The following PARVA variants were observed in gnomAD, a reference collection of about 807,000 sequenced individuals.
PARVA encodes alpha-parvin.
A neutral mutation model predicts 52.6 loss-of-function variants in PARVA; 25 were observed. The observed-to-expected ratio is 0.48, with a 90% CI of 0.35 to 0.66. The LOEUF is 0.66. Ranked by LOEUF, PARVA falls within the 30% of genes least tolerant of loss-of-function variation. PARVA has a pLI of 0.01. For missense variants in PARVA, 373 were observed against 450.9 expected, an observed-to-expected ratio of 0.83 and a Z score of 1.56; for synonymous variants, 185 against 179.1, an observed-to-expected ratio of 1.03 and a Z score of -0.26.
In PARVA at chr11:12,532,912, C is replaced by CT. The variant is rs1244326439; in HGVS notation, c.*4992dup. Among the ~76,000 whole-genome samples, 1 of 152,192 alleles carries CT rather than the reference C, an allele frequency of 6.6e-6. No homozygotes were observed. Among genetic ancestry groups the CT allele is most frequent in the Non-Finnish European group, 1.5e-5 (1 of 68,038 alleles). ...CTTTGAAAAACAGGTTGCCATCTAC[C>CT]TTTTTAAATGTCCCACTGTGTAGGA... On this transcript the variant is annotated 3_prime_UTR_variant, in exon 13 of 13. Coordinates refer to ENST00000334956, the MANE Select transcript of PARVA (RefSeq NM_018222.5).
At chr11:12,438,431 T>C (rs1050941039) in intron 1 of PARVA, among the ~76,000 whole-genome samples, 6 of 151,942 alleles carry the variant, frequency 3.9e-5, no homozygotes, top group Non-Finnish European at 8.8e-5. Flanking sequence ...CCCAAACTCA[T>C]CCTTTTTATC....
chr11:12,527,715 C>T, intron 12 of PARVA, 134 bp from the exon 13 acceptor site: 3 of 729,028 alleles, frequency 4.1e-6, no homozygotes, highest in Non-Finnish European at 5.0e-6. Context: ...ATTCTCGCTG[C>T]CCACTCTACC....
At chr11:12,456,868 G>C (rs12098918) in intron 1 of PARVA, among the ~76,000 whole-genome samples, 11,434 of 152,162 alleles carry the variant, frequency 0.075, 477 homozygotes, top group Middle Eastern at 0.14. Context: ...ACACAGCACA[G>C]GGCCTGACCT....
At chr11:12,494,426 A>G (rs1182512350) in intron 4 of PARVA, among the ~76,000 whole-genome samples, 1 of 152,200 alleles carries the variant, frequency 6.6e-6, no homozygotes, top group African/African-American at 2.4e-5. Context: ...AAGTTGCCTC[A>G]TTAACATAAA....
intron 1 of PARVA, among the ~76,000 whole-genome samples, chr11:12,444,732 T>G (rs933892677): frequency 6.6e-6 from 1 of 152,188 alleles, no homozygotes; most frequent in African/African-American, 2.4e-5. Flanking sequence ...GGTATTCTGG[T>G]TGCCCCTGAA....
At chr11:12,483,742 G>A (rs768565940) in intron 4 of PARVA, among the ~76,000 whole-genome samples, 9 of 152,190 alleles carry the variant, frequency 5.9e-5, no homozygotes, top group East Asian at 5.8e-4. Flanking sequence ...CAGCAACCCC[G>A]CTGTGGGGAC....
intron 4 of PARVA, among the ~76,000 whole-genome samples, chr11:12,488,379 G>A (rs555856374): frequency 5.3e-5 from 8 of 152,328 alleles, no homozygotes; most frequent in African/African-American, 1.9e-4. Context: ...CTAAACTGGT[G>A]TGAAAAGGAA....
At chr11:12,397,757 C>T (rs543405153) in intron 1 of PARVA, among the ~76,000 whole-genome samples, 2 of 151,882 alleles carry the variant, frequency 1.3e-5, no homozygotes, top group South Asian at 4.2e-4. Flanking sequence ...AGGCGAAATC[C>T]TGTGTGTTCT....
At chr11:12,442,928 T>C (rs567201846) in intron 1 of PARVA, among the ~76,000 whole-genome samples, 2 of 149,918 alleles carry the variant, frequency 1.3e-5, no homozygotes, top group East Asian at 4.0e-4. Context: ...AGGGTGCGAT[T>C]TTGGCTCACT....
At chr11:12,389,574 C>G (rs184605149) in intron 1 of PARVA, among the ~76,000 whole-genome samples, 1 of 152,156 alleles carries the variant, frequency 6.6e-6, no homozygotes, top group Non-Finnish European at 1.5e-5. Flanking sequence ...AGGTGGAACT[C>G]TTAGGAGACA....
chr11:12,504,379 G>C lies in PARVA; in HGVS notation c.607G>C (p.Ala203Pro). ...CGTTGCTCTGTCTCAGTATTTCCGC[G>C]CACCAATTCGACTCCCAGACCATGT... ...LLVALSQYFR[A>P]PIRLPDHVSI... The change falls in exon 6 of 13, where the codon GCA becomes CCA. Residue 203 changes from alanine to proline, a missense_variant. Coordinates refer to ENST00000334956, the MANE Select transcript of PARVA (RefSeq NM_018222.5). 1 of 1,613,722 alleles carries C rather than the reference G, an allele frequency of 6.2e-7. No individual in the cohort carries two copies. Among genetic ancestry groups the C allele is most frequent in the East Asian group, 2.2e-5 (1 of 44,870 alleles).
chr11:12,485,504 T>C lies in PARVA; in HGVS notation c.400+7555T>C, dbSNP rs115977011. On this transcript the variant is annotated intron_variant, in intron 4 of 12. Coordinates refer to ENST00000334956, the MANE Select transcript of PARVA (RefSeq NM_018222.5). ...TATATACAGGGCCACACATTGAAAATGTCCAAAACCAACCTGAGGGAGCTC... is the reference window on the plus strand; with the variant it reads ...TATATACAGGGCCACACATTGAAAACGTCCAAAACCAACCTGAGGGAGCTC... Among the ~76,000 whole-genome samples the C allele has an allele frequency of 2.9e-3, 436 of 152,156 alleles. 2 individuals carry two copies. Among genetic ancestry groups the C allele is most frequent in the African/African-American group, 9.9e-3 (410 of 41,496 alleles).
intron 1 of PARVA, among the ~76,000 whole-genome samples, chr11:12,442,249 C>T (rs1238282308): frequency 6.6e-6 from 1 of 152,262 alleles, no homozygotes; most frequent in African/African-American, 2.4e-5. Flanking sequence ...GCTGAACAAA[C>T]TTCTTACCTC....
Position 12,490,528 on chromosome 11 carries a change from AAG to A in PARVA, c.401-5918_401-5917del, listed in dbSNP as rs1554900463. Among the ~76,000 whole-genome samples, 4 of 149,464 alleles carry A rather than the reference AAG, an allele frequency of 2.7e-5. No homozygotes were observed. In the East Asian group the frequency reaches 7.9e-4, roughly 30 times the overall value. The stretch of plus-strand genomic sequence containing the variant: ...TAAGACTATGTCTCAAAAAAAAAAA[AAG>A]AGAGAGAGAGAAAATAAAGGCATTT... On this transcript the variant is annotated intron_variant, in intron 4 of 12. Transcript: ENST00000334956.
chr11:12,447,309 G>T (rs1940561135), intron 1 of PARVA, among the ~76,000 whole-genome samples: 1 of 152,184 alleles, frequency 6.6e-6, no homozygotes, highest in South Asian at 2.1e-4. Flanking sequence ...AATTCATTAT[G>T]CAAATGTGAT....
In PARVA at chr11:12,511,523, C is replaced by T. The variant is rs775751119; in HGVS notation, c.726C>T (p.Ser242=). The change falls in exon 8 of 13, where the codon TCC becomes TCT. Residue 242 remains serine, a synonymous_variant. Coordinates refer to ENST00000334956, the MANE Select transcript of PARVA (RefSeq NM_018222.5). ...EEITGNTEAL[S]GRHERDAFDT... is the part of the protein sequence containing the mutation. The stretch of plus-strand genomic sequence containing the variant: ...TCTCTTTTTCCTCCAGGGCTCTTTC[C>T]GGGAGGCATGGTAAGTCACATAAGA... The T allele has an allele frequency of 3.3e-5, 53 of 1,613,330 alleles. No individual in the cohort carries two copies. The highest frequency in any genetic ancestry group is 3.9e-5 in the Non-Finnish European group (46 of 1,179,666).
At chr11:12,398,890 A>T (rs1390503556) in intron 1 of PARVA, among the ~76,000 whole-genome samples, 1 of 152,186 alleles carries the variant, frequency 6.6e-6, no homozygotes, top group African/African-American at 2.4e-5. Context: ...ATGACTTGTG[A>T]TAATAATAGT....
chr11:12,484,536 TG>T (rs1941132759), intron 4 of PARVA, among the ~76,000 whole-genome samples: 1 of 137,164 alleles, frequency 7.3e-6, no homozygotes, highest in Non-Finnish European at 1.7e-5. Flanking sequence ...TGTGTGTGTG[TG>T]TGTGTGTGTG....
Position 12,473,750 on chromosome 11 carries a change from G to C in PARVA, c.142G>C (p.Glu48Gln), listed in dbSNP as rs544299880. The change falls in exon 2 of 13, where the codon GAG (glutamate) becomes CAG (glutamine). Residue 48 changes from glutamate (E) to glutamine (Q), a missense_variant. Coordinates refer to ENST00000334956, the MANE Select transcript of PARVA (RefSeq NM_018222.5). ...TGCTCTTCCTTTTCTTCCAGTGTCC[G>C]AGCTGCAGGAGGAGGGAATGAACGC... ...ARRKKAKEVSELQEEGMNAIN... is the reference protein window; with the variant it reads ...ARRKKAKEVSQLQEEGMNAIN... 4 of 1,560,846 alleles carry C rather than the reference G, an allele frequency of 2.6e-6. No individual in the cohort carries two copies. Among genetic ancestry groups the C allele is most frequent in the Non-Finnish European group, 3.5e-6 (4 of 1,151,826 alleles).
Sources: gnomAD v4.1 joint callset for allele counts (sites outside exome capture counted in the v4.1 genomes callset) on GRCh38, gnomAD v4.1.1 for gene constraint, MANE v1.5 for transcripts, NCBI Gene and HGNC (gene_info 2026-07-23, HGNC 2026-07-21) for gene names.